EPB41L4B: variants seen among roughly 807,000 people sequenced by gnomAD.
EPB41L4B encodes the protein band 4.1-like protein 4B.
Under a neutral mutation model 112.5 loss-of-function variants are expected in EPB41L4B, and 30 were observed. The observed-to-expected ratio is 0.27, with a 90% confidence interval of 0.20 to 0.36. The LOEUF (loss-of-function observed/expected upper bound fraction) is 0.36, where lower values mean the gene tolerates loss of function less well. Among genes scored for constraint, EPB41L4B ranks in the 10% least tolerant of loss-of-function variants. EPB41L4B has a pLI of 1.00. For synonymous variants in EPB41L4B, 408 were observed against 439.7 expected, an observed-to-expected ratio of 0.93 and a Z score of 0.90; for missense variants, 1,024 against 1,133.3, an observed-to-expected ratio of 0.90 and a Z score of 1.38.
At chr9:109,299,704 G>A (rs1001265932) in intron 1 of EPB41L4B, among the ~76,000 whole-genome samples, 1 of 152,170 alleles carries the variant, frequency 6.6e-6, no homozygotes, top group East Asian at 1.9e-4. Flanking sequence ...CACCATGAAG[G>A]TGAAAATACA....
intron 19 of EPB41L4B, 91 bp from the exon 20 acceptor site, chr9:109,200,425 A>G: frequency 1.2e-6 from 1 of 867,824 alleles, no homozygotes. Context: ...GTTAATGTAC[A>G]CCTTAATAAC....
intron 15 of EPB41L4B, among the ~76,000 whole-genome samples, chr9:109,232,712 T>C (rs1833996736): frequency 1.3e-5 from 2 of 152,204 alleles, no homozygotes; most frequent in Non-Finnish European, 2.9e-5. Flanking sequence ...GTTTTAGACA[T>C]TCTAATTGCA....
chr9:109,275,172 G>A (rs540569047), intron 2 of EPB41L4B, among the ~76,000 whole-genome samples: 2 of 152,322 alleles, frequency 1.3e-5, no homozygotes, highest in East Asian at 1.9e-4. Context: ...GGCTGGGCAG[G>A]GCACTATGGA....
intron 5 of EPB41L4B, 92 bp downstream of exon 5, chr9:109,264,888 G>A (rs1835344006): frequency 8.3e-7 from 1 of 1,208,022 alleles, no homozygotes. Flanking sequence ...ATTTTGAAAA[G>A]GGAACAAGGG....
chr9:109,233,681 C>A (rs1279393457), intron 15 of EPB41L4B, among the ~76,000 whole-genome samples: 4 of 152,058 alleles, frequency 2.6e-5, no homozygotes, highest in Non-Finnish European at 5.9e-5. Flanking sequence ...CAGGCATGCG[C>A]CACCAGGTCC....
chr9:109,210,612 A>G (rs1180466419), intron 17 of EPB41L4B, among the ~76,000 whole-genome samples: 1 of 152,222 alleles, frequency 6.6e-6, no homozygotes, highest in Non-Finnish European at 1.5e-5. Flanking sequence ...GTTCTTGTTC[A>G]TTCTGGACAA....
intron 24 of EPB41L4B, among the ~76,000 whole-genome samples, chr9:109,177,027 C>T (rs996411303): frequency 2.0e-5 from 3 of 152,078 alleles, no homozygotes; most frequent in African/African-American, 7.2e-5. Flanking sequence ...TTTGTCATGC[C>T]CAGTAGTAAA....
intron 15 of EPB41L4B, among the ~76,000 whole-genome samples, chr9:109,218,142 T>TTC (rs1833448443): frequency 6.9e-6 from 1 of 145,190 alleles, no homozygotes; most frequent in Non-Finnish European, 1.5e-5. Flanking sequence ...TTTTTTTTTT[T>TTC]TTTGGCAGTG....
At chr9:109,201,286 C>T (rs1588131757) in intron 19 of EPB41L4B, among the ~76,000 whole-genome samples, 1 of 151,570 alleles carries the variant, frequency 6.6e-6, no homozygotes, top group African/African-American at 2.4e-5. Flanking sequence ...CCCGTTTCTA[C>T]AAAAAAATAC....
chr9:109,289,639 T>A (rs1289436683), intron 1 of EPB41L4B, among the ~76,000 whole-genome samples: 2 of 152,230 alleles, frequency 1.3e-5, no homozygotes. Flanking sequence ...AGAACCCTGT[T>A]ACTCCTGTCA....
chr9:109,267,548 C>A lies in EPB41L4B; in HGVS notation c.458G>T (p.Gly153Val). 1 of 1,606,462 alleles carries A rather than the reference C, an allele frequency of 6.2e-7. No individual in the cohort carries two copies. The highest frequency in any genetic ancestry group is 8.5e-7 in the Non-Finnish European group (1 of 1,173,294). The stretch of plus-strand genomic sequence containing the variant: ...TCGAAAGTGTAAAGCATAAGCAGGT[C>A]CAACTAAACATTTGGAGATGGAAGG... ...AKPIKKQMKI[G>V]PAYALHFRVK... The change falls in exon 4 of 26, where the codon GGA (glycine) becomes GTA (valine). Residue 153 changes from glycine (G) to valine (V), a missense_variant. By Grantham distance (109) the Gly-to-Val change is moderately radical (BLOSUM62 -3). Coordinates refer to ENST00000374566, the MANE Select transcript of EPB41L4B (RefSeq NM_019114.5).
rs1264983084 is a variant in EPB41L4B at position 109,303,062 on chromosome 9, C to T, written c.306+17079G>A. On this transcript the variant is annotated intron_variant, in intron 1 of 25. Transcript: ENST00000374566. ...TGCCAATGTACTCTAGCCTGGGTGA[C>T]TGACTGAGACCCCATCTCTAAAAAA... 2.1e-5 allele frequency among the ~76,000 whole-genome samples: 3 copies of T among 143,840 alleles called. No individual in the cohort carries two copies. In the East Asian group the frequency reaches 6.1e-4, roughly 29 times the overall value. 94.4% of individuals were successfully genotyped at this position (143,840 alleles called of 152,430 possible). A position where few individuals can be genotyped will look rare whatever the true frequency, so the allele number is the denominator to read the frequency against.
chr9:109,204,670 T>A (rs763592879), intron 18 of EPB41L4B, among the ~76,000 whole-genome samples: 1 of 151,786 alleles, frequency 6.6e-6, no homozygotes, highest in Non-Finnish European at 1.5e-5. Flanking sequence ...TTGTTTCATA[T>A]TTTTTTTGTA....
chr9:109,284,014 C>G (rs1439532792), intron 1 of EPB41L4B, among the ~76,000 whole-genome samples: 1 of 152,034 alleles, frequency 6.6e-6, no homozygotes, highest in African/African-American at 2.4e-5. Flanking sequence ...AGAAGGATCA[C>G]TTGAAGTTCA....
intron 6 of EPB41L4B, 100 bp from the exon 7 acceptor site, chr9:109,258,397 GC>G (rs1408266596): frequency 1.6e-6 from 2 of 1,249,636 alleles, no homozygotes; most frequent in Admixed American, 1.9e-5. Flanking sequence ...ATAAAGCACA[GC>G]CCCCCGCCCC....
intron 2 of EPB41L4B, among the ~76,000 whole-genome samples, chr9:109,278,126 G>A (rs534077943): frequency 1.3e-5 from 2 of 152,288 alleles, no homozygotes; most frequent in East Asian, 3.9e-4. Flanking sequence ...CAACCTCAAA[G>A]GAAGCGGAAT....
At chr9:109,258,690 A>C (rs1189706719) in intron 6 of EPB41L4B, among the ~76,000 whole-genome samples, 5 of 152,214 alleles carry the variant, frequency 3.3e-5, no homozygotes, top group Admixed American at 1.3e-4. Context: ...AGAGTAGGTC[A>C]GAGCAGCACT....
At chr9:109,242,505 C>T (rs778823302) in intron 15 of EPB41L4B, among the ~76,000 whole-genome samples, 10 of 152,316 alleles carry the variant, frequency 6.6e-5, no homozygotes, top group East Asian at 1.9e-4. Flanking sequence ...CTGTTTCTTA[C>T]GTCTGAAGAA....
chr9:109,213,504 T>C (rs1393579252), intron 17 of EPB41L4B, among the ~76,000 whole-genome samples, 196 bp downstream of exon 17: 1 of 152,210 alleles, frequency 6.6e-6, no homozygotes, highest in Non-Finnish European at 1.5e-5. Flanking sequence ...CGACGCCTAA[T>C]GCTATAATTC....
Sources: allele counts gnomAD v4.1 joint callset (sites outside exome capture counted in the v4.1 genomes callset), GRCh38; gene constraint gnomAD v4.1.1; transcripts MANE v1.5; gene names NCBI Gene and HGNC (gene_info 2026-07-23, HGNC 2026-07-21).